CHST9: variants seen among roughly 807,000 people sequenced by gnomAD.
CHST9 encodes the protein GalNAc-4-sulfotransferase 2.
In CHST9, 41 loss-of-function variants were observed where a neutral mutation model predicts 44.4. The ratio of observed to expected loss-of-function variants is 0.92; its 90% CI spans 0.72 to 1.20. CHST9 has a LOEUF of 1.20. CHST9 is among the 50% of genes most tolerant of loss of function. The pLI is 0.00. For synonymous variants in CHST9, 171 were observed against 178.4 expected, an observed-to-expected ratio of 0.96 and a Z score of 0.33; for missense variants, 504 against 516.5, an observed-to-expected ratio of 0.98 and a Z score of 0.23.
intron 1 of CHST9, among the ~76,000 whole-genome samples, chr18:27,167,845 G>A (rs2058802819): frequency 6.6e-6 from 1 of 152,080 alleles, no homozygotes; most frequent in African/African-American, 2.4e-5. Flanking sequence ...AAGGAAGAGA[G>A]GTTTCCAAAT....
At chr18:26,959,081 A>G (rs2056366650) in intron 4 of CHST9, among the ~76,000 whole-genome samples, 2 of 152,210 alleles carry the variant, frequency 1.3e-5, no homozygotes, top group Non-Finnish European at 1.5e-5. Flanking sequence ...GCCCATCAAT[A>G]GTGGATTGGA....
At chr18:27,112,095 TATAA>T (rs2058275824) in intron 2 of CHST9, among the ~76,000 whole-genome samples, 1 of 148,644 alleles carries the variant, frequency 6.7e-6, no homozygotes, top group Non-Finnish European at 1.5e-5. Flanking sequence ...TACATATGCG[TATAA>T]ATATATTAAT....
At chr18:26,976,885 C>A (rs148988339) in intron 4 of CHST9, among the ~76,000 whole-genome samples, 22 of 152,202 alleles carry the variant, frequency 1.4e-4, no homozygotes, top group African/African-American at 5.1e-4. Context: ...CATTCTTCTT[C>A]AGGCAGTCTT....
intron 1 of CHST9, among the ~76,000 whole-genome samples, chr18:27,165,059 G>A (rs7234821): frequency 1.3e-5 from 2 of 151,960 alleles, no homozygotes; most frequent in South Asian, 2.1e-4. Context: ...AGAAAATTTC[G>A]ATTGGTTGGC....
chr18:27,162,198 T>G (rs984495451), intron 1 of CHST9, among the ~76,000 whole-genome samples: 7 of 152,212 alleles, frequency 4.6e-5, no homozygotes, highest in African/African-American at 1.7e-4. Flanking sequence ...AGTTTCTTCC[T>G]AGCCTTGATG....
At chr18:27,149,599 C>CTTTTTTTTTTTTTTTTTTTT (rs60489244) in intron 1 of CHST9, among the ~76,000 whole-genome samples, 1 of 142,926 alleles carries the variant, frequency 7.0e-6, no homozygotes. Context: ...CTATTTTCAG[C>CTTTTTTTTTTTTTTTTTTTT]TTTTTTTTTT....
chr18:27,000,656 C>CTA (rs776781235), intron 4 of CHST9, among the ~76,000 whole-genome samples: 2,594 of 147,708 alleles, frequency 0.018, 44 homozygotes, highest in South Asian at 0.026. Flanking sequence ...ATCTATCTAT[C>CTA]TCTCTATCTA....
chr18:26,943,358 T>C (rs890813708), intron 5 of CHST9, among the ~76,000 whole-genome samples: 2 of 152,158 alleles, frequency 1.3e-5, no homozygotes, highest in African/African-American at 4.8e-5. Flanking sequence ...CTGGCACAGA[T>C]TGGGTAAAAC....
intron 2 of CHST9, among the ~76,000 whole-genome samples, chr18:27,126,349 A>C (rs569304021): frequency 6.6e-6 from 1 of 152,264 alleles, no homozygotes; most frequent in South Asian, 2.1e-4. Context: ...CAATGGTACA[A>C]TGTTCCCCCA....
chr18:26,925,410 A>G lies in CHST9; in HGVS notation c.241-8060T>C, dbSNP rs138589101. 3.7e-3 allele frequency among the ~76,000 whole-genome samples: 568 copies of G among 152,352 alleles called. 4 individuals carry two copies. The highest frequency in any genetic ancestry group is 0.013 in the African/African-American group (550 of 41,584). ...AACCTGAGCTCAGAGAATTTAAATA[A>G]TGTGCCAAGTTAACACAGCTATTGC... On this transcript the variant is annotated intron_variant, in intron 5 of 5. Coordinates refer to ENST00000618847, the MANE Select transcript of CHST9 (RefSeq NM_031422.6).
intron 1 of CHST9, among the ~76,000 whole-genome samples, chr18:27,165,272 T>G (rs955424543): frequency 6.6e-6 from 1 of 152,154 alleles, no homozygotes; most frequent in Non-Finnish European, 1.5e-5. Context: ...AAGAGTAAGA[T>G]GCTATTAACT....
At chr18:26,964,512 T>C (rs1029310339) in intron 4 of CHST9, among the ~76,000 whole-genome samples, 2 of 152,248 alleles carry the variant, frequency 1.3e-5, no homozygotes, top group African/African-American at 4.8e-5. Flanking sequence ...CTTACAGTTA[T>C]GGAAGTTCTA....
At chr18:27,129,746 G>T (rs1473481305) in intron 2 of CHST9, among the ~76,000 whole-genome samples, 10 of 152,118 alleles carry the variant, frequency 6.6e-5, no homozygotes, top group African/African-American at 2.4e-4. Context: ...TCAGTGAATT[G>T]TTCCAAAGAC....
intron 5 of CHST9, among the ~76,000 whole-genome samples, chr18:26,923,624 A>C (rs565120807): frequency 3.7e-4 from 56 of 152,198 alleles, no homozygotes; most frequent in Non-Finnish European, 7.5e-4. Context: ...TCATTCTTTC[A>C]TCAATGCACA....
intron 2 of CHST9, among the ~76,000 whole-genome samples, chr18:27,115,047 C>T (rs1222659599): frequency 6.6e-6 from 1 of 152,058 alleles, no homozygotes; most frequent in African/African-American, 2.4e-5. Flanking sequence ...CTGGCATTCC[C>T]CCTGCTTGCA....
chr18:27,104,503 A>G (rs2058203612), intron 2 of CHST9, among the ~76,000 whole-genome samples: 1 of 152,220 alleles, frequency 6.6e-6, no homozygotes, highest in Non-Finnish European at 1.5e-5. Context: ...CTCAGGCAAG[A>G]GATGCTGCTG....
chr18:26,988,801 C>T (rs917697716), intron 4 of CHST9, among the ~76,000 whole-genome samples: 10 of 152,060 alleles, frequency 6.6e-5, no homozygotes, highest in African/African-American at 2.2e-4. Context: ...TAAAACAACT[C>T]TCAATAAATT....
chr18:27,124,094 T>C (rs972047400), intron 2 of CHST9, among the ~76,000 whole-genome samples: 1 of 152,204 alleles, frequency 6.6e-6, no homozygotes, highest in Non-Finnish European at 1.5e-5. Context: ...CACACACAAA[T>C]GTAACAACCC....
rs770953555 is a variant in CHST9, at chr18:26,913,358, T to C, written c.*2901A>G. 5.3e-5 allele frequency: 8 copies of C among 152,200 alleles called. No individual in the cohort carries two copies. Among genetic ancestry groups the C allele is most frequent in the Non-Finnish European group, 1.2e-4 (8 of 68,030 alleles). The allele number at this position is 152,200 out of a possible 1,614,324, so 9.4% of individuals were successfully genotyped here. On this transcript the variant is annotated 3_prime_UTR_variant, in exon 6 of 6. Coordinates refer to ENST00000618847, the MANE Select transcript of CHST9 (RefSeq NM_031422.6). Reference sequence around the variant, plus strand: ...CACATTTCCATTGAATTAATGGATATTTCCAAATGTTTGAGAAAATCCGAA... The same window carrying C: ...CACATTTCCATTGAATTAATGGATACTTCCAAATGTTTGAGAAAATCCGAA...
Sources: allele counts gnomAD v4.1 joint callset (sites outside exome capture counted in the v4.1 genomes callset), GRCh38; gene constraint gnomAD v4.1.1; transcripts MANE v1.5; gene names NCBI Gene and HGNC (gene_info 2026-07-23, HGNC 2026-07-21).